TMEM209: variants seen among roughly 807,000 people sequenced by gnomAD.
The protein encoded by TMEM209 is transmembrane protein 209.
TMEM209 carries 65 observed loss-of-function variants against 76.2 expected under a neutral mutation model. The ratio of observed to expected loss-of-function variants is 0.85; its 90% CI spans 0.70 to 1.05. The LOEUF (loss-of-function observed/expected upper bound fraction) is 1.05, where lower values mean the gene tolerates loss of function less well. TMEM209 is among the 50% of genes least tolerant of loss of function. TMEM209 has a pLI of 0.00. For missense variants in TMEM209, 623 were observed against 685.5 expected (o/e 0.91, Z 1.02); for synonymous variants, 239 against 237.6 (o/e 1.01, Z -0.06).
rs1204299234 is a variant in TMEM209 at position 130,166,273 on chromosome 7, A to G, written c.*178T>C. Reference sequence around the variant, plus strand: ...AAGGCAATGTCTCGATATAGAAGATACGGGACATATTTTTACAATTACATT... The same window carrying G: ...AAGGCAATGTCTCGATATAGAAGATGCGGGACATATTTTTACAATTACATT... On this transcript the variant is annotated 3_prime_UTR_variant, in exon 15 of 15. Transcript: ENST00000397622. 2 of 444,208 alleles carry G rather than the reference A, an allele frequency of 4.5e-6. No individual in the cohort carries two copies. The highest frequency in any genetic ancestry group is 7.8e-6 in the Non-Finnish European group (2 of 257,184). 27.5% of individuals were successfully genotyped at this position (444,208 alleles called of 1,614,324 possible).
chr7:130,204,937 C>T, intron 1 of TMEM209: 1 of 1,069,602 alleles, frequency 9.3e-7, no homozygotes, highest in Non-Finnish European at 1.1e-6. Context: ...GGATAAAGGA[C>T]AAGGATCCAA....
At chr7:130,173,566 T>C in intron 13 of TMEM209, 66 bp downstream of exon 13, 1 of 1,250,874 alleles carries the variant, frequency 8.0e-7, no homozygotes, top group East Asian at 2.3e-5. Flanking sequence ...ATTATAATTT[T>C]AAAAACATCA....
chr7:130,178,297 A>T, intron 10 of TMEM209, 105 bp downstream of exon 10: 1 of 1,133,742 alleles, frequency 8.8e-7, no homozygotes, highest in Non-Finnish European at 1.2e-6. Flanking sequence ...TATTTATAAG[A>T]CATGTTATAC....
chr7:130,204,950 T>A, intron 1 of TMEM209: 2 of 1,077,190 alleles, frequency 1.9e-6, no homozygotes, highest in Non-Finnish European at 2.3e-6. Context: ...GGATCCAAGT[T>A]TTAGAAGGGC....
At chr7:130,186,154 TTAAC>T (rs1000301121) in intron 6 of TMEM209, among the ~76,000 whole-genome samples, 1 of 152,194 alleles carries the variant, frequency 6.6e-6, no homozygotes, top group African/African-American at 2.4e-5. Context: ...TTTTCGGAGT[TTAAC>T]TGATATAAAA....
intron 8 of TMEM209, among the ~76,000 whole-genome samples, chr7:130,182,770 T>C (rs993613970): frequency 1.3e-5 from 2 of 152,182 alleles, no homozygotes; most frequent in African/African-American, 4.8e-5. Flanking sequence ...AATACAATAT[T>C]ATAAACAACT....
At chr7:130,205,174 C>T (rs917072507) in intron 1 of TMEM209, 199 bp downstream of exon 1, 28 of 1,485,678 alleles carry the variant, frequency 1.9e-5, no homozygotes, top group Non-Finnish European at 2.4e-5. Context: ...TCCCAATTTC[C>T]CAGTCCAGAG....
intron 10 of TMEM209, among the ~76,000 whole-genome samples, chr7:130,178,013 C>T (rs1249128514): frequency 6.6e-6 from 1 of 152,168 alleles, no homozygotes; most frequent in Non-Finnish European, 1.5e-5. Flanking sequence ...AGGGAGCCTA[C>T]ATTTCCTGAT....
chr7:130,203,876 G>A (rs775486964), intron 2 of TMEM209, 30 bp from the exon 3 acceptor site: 4 of 1,592,792 alleles, frequency 2.5e-6, no homozygotes, highest in Non-Finnish European at 3.4e-6. Flanking sequence ...GCTTTCCAGT[G>A]AACCTAAAAA....
chr7:130,202,203 C>T, intron 4 of TMEM209, 112 bp from the exon 5 acceptor site: 1 of 1,338,372 alleles, frequency 7.5e-7, no homozygotes, highest in Non-Finnish European at 1.0e-6. Flanking sequence ...AACAGAGTTA[C>T]TTGGTTGTTA....
At chr7:130,178,139 C>T (rs1428331637) in intron 10 of TMEM209, among the ~76,000 whole-genome samples, 1 of 152,068 alleles carries the variant, frequency 6.6e-6, no homozygotes, top group Non-Finnish European at 1.5e-5. Flanking sequence ...AAATAAGGCT[C>T]AGCACACCGG....
chr7:130,188,457 G>C (rs529143913), intron 6 of TMEM209, among the ~76,000 whole-genome samples: 1 of 151,674 alleles, frequency 6.6e-6, no homozygotes, highest in Non-Finnish European at 1.5e-5. Context: ...TTAGCCAGGC[G>C]TGGTGGCAGG....
At chr7:130,175,720 A>G in intron 10 of TMEM209, 111 bp from the exon 11 acceptor site, 1 of 772,450 alleles carries the variant, frequency 1.3e-6, no homozygotes, top group Non-Finnish European at 2.0e-6. Context: ...AACTTGATCA[A>G]AACACCCAAA....
rs1428852461 is a variant in TMEM209 at position 130,181,970 on chromosome 7, C to T, written c.1024-251G>A. ...CTTTTTTTTTTTCGAGATGGAGTTT[C>T]GCTCTTGTTGCCCAGGCTGGAGTGC... On this transcript the variant is annotated intron_variant, in intron 8 of 14. Coordinates refer to ENST00000397622, the MANE Select transcript of TMEM209 (RefSeq NM_032842.4). 11 of 320,662 alleles carry T rather than the reference C, an allele frequency of 3.4e-5. No individual in the cohort carries two copies. In the East Asian group the frequency reaches 5.8e-4, roughly 17 times the overall value. The allele number at this position is 320,662 out of a possible 1,614,324, so 19.9% of individuals were successfully genotyped here.
intron 5 of TMEM209, among the ~76,000 whole-genome samples, chr7:130,194,713 T>C (rs7796220): frequency 6.6e-6 from 1 of 152,194 alleles, no homozygotes; most frequent in African/African-American, 2.4e-5. Flanking sequence ...ATTTTAAAAA[T>C]TGGACATTTA....
intron 8 of TMEM209, chr7:130,182,178 G>T (rs1048289801): frequency 6.5e-6 from 1 of 153,326 alleles, no homozygotes; most frequent in Non-Finnish European, 1.5e-5. Context: ...CTGACCTCAG[G>T]TGATCCGCCT....
rs746960112 is a variant in TMEM209, at chr7:130,203,960, A to G, written c.140+14T>C. 2 of 1,609,096 alleles carry G rather than the reference A, an allele frequency of 1.2e-6. No homozygotes were observed. The highest frequency in any genetic ancestry group is 1.1e-5 in the South Asian group (1 of 89,546). On this transcript the variant is annotated intron_variant, in intron 2 of 14. Transcript: ENST00000397622. ...CTTCTTAAAGTTTCACTTTTTTTGG[A>G]CTGATTCACTTACATTTCAGTATAT...
rs535555428 is a variant in TMEM209 at position 130,178,341 on chromosome 7, C to T, written c.1246+61G>A. 38 of 1,463,758 alleles carry T rather than the reference C, an allele frequency of 2.6e-5. No homozygotes were observed. The African/African-American group carries it at 5.4e-4, about 21-fold the overall frequency. The allele number at this position is 1,463,758 out of a possible 1,614,324, so 90.7% of individuals were successfully genotyped here. A position where few individuals can be genotyped will look rare whatever the true frequency, so the allele number is the denominator to read the frequency against. On this transcript the variant is annotated intron_variant, in intron 10 of 14. Coordinates refer to ENST00000397622, the MANE Select transcript of TMEM209 (RefSeq NM_032842.4). ...AAAAGTTTTTCCTTGTTAATCTTCACTGATAAAATTCCAGCATAGTAAAAA... is the reference window on the plus strand; with the variant it reads ...AAAAGTTTTTCCTTGTTAATCTTCATTGATAAAATTCCAGCATAGTAAAAA...
rs3823576 is a variant in TMEM209 at position 130,185,004 on chromosome 7, A to G, written c.951+188T>C. ...AACTGTGTGTCACAGAGTAAAATGT[A>G]TGATATAATTTAGTTTTTAGTTTTA... On this transcript the variant is annotated intron_variant, in intron 7 of 14. Transcript: ENST00000397622. Among the ~76,000 whole-genome samples, 123 of 152,332 alleles carry G rather than the reference A, an allele frequency of 8.1e-4. 3 individuals carry two copies. In the East Asian group the frequency reaches 0.015, roughly 19 times the overall value.
Sources: allele counts gnomAD v4.1 joint callset (sites outside exome capture counted in the v4.1 genomes callset), GRCh38; gene constraint gnomAD v4.1.1; transcripts MANE v1.5; gene names NCBI Gene and HGNC (gene_info 2026-07-23, HGNC 2026-07-21).